TRIM43B: variants seen among roughly 807,000 people sequenced by gnomAD.
The protein encoded by TRIM43B is tripartite motif-containing protein 43B.
TRIM43B carries 15 observed loss-of-function variants against 27.0 expected under a neutral mutation model. That is an observed-to-expected ratio of 0.55 (90% CI 0.37 to 0.85). TRIM43B has a LOEUF of 0.85. Ranked by LOEUF, TRIM43B falls within the 40% of genes least tolerant of loss-of-function variation. TRIM43B has a pLI of 0.00. For missense variants in TRIM43B, 172 were observed against 289.8 expected (o/e 0.59, Z 2.95); for synonymous variants, 69 against 97.8 (o/e 0.71, Z 1.74).
intron 1 of TRIM43B, 28 bp downstream of exon 1, chr2:95,484,578 G>A (rs554257748): frequency 6.6e-6 from 1 of 152,198 alleles, no homozygotes; most frequent in African/African-American, 2.4e-5. Context: ...CCTAATAGTA[G>A]ATCCTTCTCT....
chr2:95,480,901 A>AT (rs1683510432), intron 3 of TRIM43B, among the ~76,000 whole-genome samples: 1 of 152,086 alleles, frequency 6.6e-6, no homozygotes, highest in South Asian at 2.1e-4. Flanking sequence ...TTTTTAGTAT[A>AT]TTATAATCAG....
chr2:95,480,748 G>A (rs558066146), intron 3 of TRIM43B, among the ~76,000 whole-genome samples: 4 of 152,016 alleles, frequency 2.6e-5, no homozygotes, highest in East Asian at 1.9e-4. Flanking sequence ...AAATCAAATC[G>A]GAAATACAAT....
chr2:95,480,881 A>G (rs1558813763), intron 3 of TRIM43B, among the ~76,000 whole-genome samples: 2 of 151,948 alleles, frequency 1.3e-5, no homozygotes, highest in Non-Finnish European at 2.9e-5. Flanking sequence ...AATCACTCTT[A>G]GTAGAAATGT....
chr2:95,483,421 T>C (rs1173688957), intron 1 of TRIM43B, among the ~76,000 whole-genome samples: 1 of 150,828 alleles, frequency 6.6e-6, no homozygotes, highest in Non-Finnish European at 1.5e-5. Flanking sequence ...TTACAACATC[T>C]TTAAAAGACA....
intron 3 of TRIM43B, 45 bp from the exon 4 acceptor site, chr2:95,480,580 C>A: frequency 6.2e-7 from 1 of 1,600,906 alleles, no homozygotes; most frequent in Non-Finnish European, 8.5e-7. Context: ...AGGCCTACTT[C>A]CACCTCACAG....
In TRIM43B at chr2:95,482,213, A is replaced by C; in HGVS notation, c.411+91T>G. 2.3e-6 allele frequency: 3 copies of C among 1,299,508 alleles called. No individual in the cohort carries two copies. In the South Asian group the frequency reaches 4.7e-5, roughly 20 times the overall value. The allele number at this position is 1,299,508 out of a possible 1,614,324, so 80.5% of individuals were successfully genotyped here. ...AACAGCACCTGGCACTCAGTAAAGA[A>C]TGGAGTAATCACCGTGATTCTCATC... On this transcript the variant is annotated intron_variant, in intron 2 of 6. Coordinates refer to ENST00000639673, the Ensembl canonical transcript of TRIM43B.
chr2:95,483,701 G>A (rs1056438266), intron 1 of TRIM43B, among the ~76,000 whole-genome samples: 1 of 151,884 alleles, frequency 6.6e-6, no homozygotes, highest in Non-Finnish European at 1.5e-5. Context: ...GGTGGAGGAC[G>A]CCTGTAGTCC....
At chr2:95,482,323 T>G in exon 2 of TRIM43B, 1 of 1,611,640 alleles carries the variant, frequency 6.2e-7, no homozygotes, top group Non-Finnish European at 8.5e-7. Flanking sequence ...CTCAGCTGCC[T>G]CTTCGATGGG....
rs955773719 is a variant in TRIM43B at position 95,481,540 on chromosome 2, G to A, written c.507+55C>T. The A allele has an allele frequency of 2.1e-5, 29 of 1,380,862 alleles. No homozygotes were observed. The African/African-American group carries it at 3.7e-4, about 17-fold the overall frequency. The allele number at this position is 1,380,862 out of a possible 1,614,324, so 85.5% of individuals were successfully genotyped here. On this transcript the variant is annotated intron_variant, in intron 3 of 6. Coordinates refer to ENST00000639673, the Ensembl canonical transcript of TRIM43B. ...TTCAACTCAAGTTGCTAATATAAAT[G>A]TTGTCAGCATGCCTGTCTCAAGCTG...
chr2:95,481,811 T>C, intron 2 of TRIM43B, 121 bp from the exon 3 acceptor site: 1 of 891,356 alleles, frequency 1.1e-6, no homozygotes, highest in Non-Finnish European at 1.7e-6. Context: ...AAAAACAAAA[T>C]TTTTCATTGC....
In TRIM43B at chr2:95,483,252, T is replaced by A. The variant is rs1683570530; in HGVS notation, c.-4-534A>T. On this transcript the variant is annotated intron_variant, in intron 1 of 6. Transcript: ENST00000639673. ...AATCAGAAAAAGCCAGCCTTTACTC[T>A]CCAAGGAAAAACAGTCAAATCAAGG... Among the ~76,000 whole-genome samples the A allele has an allele frequency of 2.6e-5, 4 of 152,214 alleles. No homozygotes were observed. The South Asian group carries it at 6.2e-4, about 24-fold the overall frequency.
chr2:95,480,318 A>C (rs1683497606), exon 4 of TRIM43B: 1 of 1,608,630 alleles, frequency 6.2e-7, no homozygotes, highest in Non-Finnish European at 8.5e-7. Context: ...GAGCAGCTCC[A>C]CCTCTGGTTT....
intron 3 of TRIM43B, 98 bp from the exon 4 acceptor site, chr2:95,480,633 T>A (rs1261380060): frequency 3.0e-5 from 41 of 1,383,994 alleles, no homozygotes; most frequent in Non-Finnish European, 3.8e-5. Flanking sequence ...TTATTTTCCA[T>A]CCTTTACAAA....
At chr2:95,482,053 T>A (rs528876475) in intron 2 of TRIM43B, among the ~76,000 whole-genome samples, 1 of 151,484 alleles carries the variant, frequency 6.6e-6, no homozygotes, top group South Asian at 2.1e-4. Context: ...TTTTGGTAGC[T>A]TTTCAATGTC....
chr2:95,484,087 A>AG (rs1683591800), intron 1 of TRIM43B, among the ~76,000 whole-genome samples: 1 of 149,520 alleles, frequency 6.7e-6, no homozygotes, highest in Non-Finnish European at 1.5e-5. Flanking sequence ...AAAAAAAAAA[A>AG]AGGCCGGGCG....
At chr2:95,482,673 G>T in exon 2 of TRIM43B, 1 of 1,613,782 alleles carries the variant, frequency 6.2e-7, no homozygotes. Context: ...AGATGACACA[G>T]GTGAGTTCCT....
At chr2:95,481,146 A>T (rs1454578752) in intron 3 of TRIM43B, among the ~76,000 whole-genome samples, 1 of 151,684 alleles carries the variant, frequency 6.6e-6, no homozygotes, top group African/African-American at 2.4e-5. Flanking sequence ...GCTTTTCCTC[A>T]TGTTGCATTT....
chr2:95,481,596 C>G, exon 3 of TRIM43B: 1 of 1,611,042 alleles, frequency 6.2e-7, no homozygotes. Context: ...CATACTTACC[C>G]TCAAGAGGAA....
intron 4 of TRIM43B, 105 bp downstream of exon 4, chr2:95,480,200 G>A (rs1031538164): frequency 2.5e-5 from 37 of 1,486,112 alleles, no homozygotes; most frequent in East Asian, 5.0e-5. Flanking sequence ...GACTCTCACC[G>A]TCAGTGCAGG....
Sources: gnomAD v4.1 joint callset for allele counts (sites outside exome capture counted in the v4.1 genomes callset) on GRCh38, gnomAD v4.1.1 for gene constraint, MANE v1.5 for transcripts, NCBI Gene and HGNC (gene_info 2026-07-23, HGNC 2026-07-21) for gene names.